The following PCDH9 variants were observed in gnomAD, a reference collection of about 807,000 sequenced individuals.
PCDH9 encodes protocadherin 9.
A neutral mutation model predicts 70.6 loss-of-function variants in PCDH9; 24 were observed. That is an observed-to-expected ratio of 0.34 (90% CI 0.25 to 0.48). The LOEUF (loss-of-function observed/expected upper bound fraction) is 0.48. PCDH9 is among the 20% of genes least tolerant of loss of function. PCDH9 has a pLI of 0.99. For synonymous variants in PCDH9, 562 were observed against 558.5 expected (o/e 1.01, Z -0.09); for missense variants, 1,281 against 1,503.6 (o/e 0.85, Z 2.45).
chr13:67,217,892 A>G (rs1390043945), intron 2 of PCDH9: 1 of 152,084 alleles, frequency 6.6e-6, no homozygotes, highest in Non-Finnish European at 1.5e-5. Context: ...TCTATCTTGA[A>G]TAATTAGAAT....
intron 2 of PCDH9, chr13:67,214,973 T>TATATATATATATATATATATATATA (rs56334218): frequency 2.4e-4 from 30 of 126,388 alleles, no homozygotes; most frequent in Non-Finnish European, 3.4e-4. Context: ...TATATATATA[T>TATATATATATATATATATATATATA]TCACTTAATC....
In PCDH9 at chr13:67,180,045, C is replaced by T. The variant is rs142448099; in HGVS notation, c.3036+45360G>A. On this transcript the variant is annotated intron_variant, in intron 2 of 4. Coordinates refer to ENST00000377865, the MANE Select transcript of PCDH9 (RefSeq NM_203487.3). The stretch of plus-strand genomic sequence containing the variant: ...ATCTAGATTAGAACTTTTAAATCAC[C>T]AAATGACCAGTAGAAAATATCTCTT... Among the ~76,000 whole-genome samples, 34 of 152,112 alleles carry T rather than the reference C, an allele frequency of 2.2e-4. No individual in the cohort carries two copies. In the East Asian group the frequency reaches 5.4e-3, roughly 24 times the overall value.
Position 66,530,393 on chromosome 13 carries a change from A to T in PCDH9, c.3340+100817T>A, listed in dbSNP as rs1932883. On this transcript the variant is annotated intron_variant, in intron 4 of 4. Coordinates refer to ENST00000377865, the MANE Select transcript of PCDH9 (RefSeq NM_203487.3). ...TCCATTTTATTGCTGTGCTTTCAGTATTAGATATCAACTCATTGAGATAAA... is the reference window on the plus strand; with the variant it reads ...TCCATTTTATTGCTGTGCTTTCAGTTTTAGATATCAACTCATTGAGATAAA... Among the ~76,000 whole-genome samples the T allele has an allele frequency of 7.7e-3, 1,173 of 152,016 alleles. 12 individuals are homozygous for T. The highest frequency in any genetic ancestry group is 0.014 in the Middle Eastern group (4 of 292).
intron 2 of PCDH9, among the ~76,000 whole-genome samples, chr13:67,158,161 T>C (rs1002096913): frequency 2.0e-5 from 3 of 152,152 alleles, no homozygotes; most frequent in Non-Finnish European, 4.4e-5. Context: ...TCCTGAGAGA[T>C]ATTATAAAGG....
At chr13:66,571,340 T>G (rs1158295814) in intron 4 of PCDH9, among the ~76,000 whole-genome samples, 1 of 152,064 alleles carries the variant, frequency 6.6e-6, no homozygotes, top group Non-Finnish European at 1.5e-5. Context: ...ACAAAATACC[T>G]GTAATTTGAA....
intron 2 of PCDH9, among the ~76,000 whole-genome samples, chr13:66,941,798 T>TA (rs2083010785): frequency 6.6e-6 from 1 of 151,922 alleles, no homozygotes; most frequent in African/African-American, 2.4e-5. Flanking sequence ...TATGGAAGAC[T>TA]TTAGCAACAT....
intron 2 of PCDH9, among the ~76,000 whole-genome samples, chr13:66,986,567 A>G (rs2083895677): frequency 6.6e-6 from 1 of 152,068 alleles, no homozygotes; most frequent in Non-Finnish European, 1.5e-5. Flanking sequence ...TAGTTCATTT[A>G]CACAATTGAA....
intron 3 of PCDH9, among the ~76,000 whole-genome samples, chr13:66,856,492 T>A (rs1004566866): frequency 2.6e-5 from 4 of 152,118 alleles, no homozygotes; most frequent in African/African-American, 9.6e-5. Flanking sequence ...AAAGTATTTT[T>A]AAAAACCTGT....
At chr13:67,140,029 C>CG (rs1235957916) in intron 2 of PCDH9, among the ~76,000 whole-genome samples, 3 of 106,444 alleles carry the variant, frequency 2.8e-5, no homozygotes, top group East Asian at 3.8e-4. Context: ...TTGATCACCC[C>CG]CCCCCCCCCG....
intron 4 of PCDH9, among the ~76,000 whole-genome samples, chr13:66,501,322 G>A (rs1171172590): frequency 6.6e-6 from 1 of 152,016 alleles, no homozygotes; most frequent in Non-Finnish European, 1.5e-5. Flanking sequence ...CTCTATTAAG[G>A]ATGAAGCAGT....
At chr13:66,437,404 CAAAAAAAA>C (rs66796123) in intron 4 of PCDH9, among the ~76,000 whole-genome samples, 1,861 of 45,610 alleles carry the variant, frequency 0.041, 80 homozygotes, top group East Asian at 0.19. Flanking sequence ...GACTCTGTCT[CAAAAAAAA>C]AAAAAAAAAA....
chr13:66,942,949 C>G (rs1161136148), intron 2 of PCDH9, among the ~76,000 whole-genome samples: 2 of 152,074 alleles, frequency 1.3e-5, no homozygotes, highest in South Asian at 4.1e-4. Context: ...AATCTCACAG[C>G]TTTCCCTGTA....
At chr13:67,113,028 C>T (rs1190460516) in intron 2 of PCDH9, among the ~76,000 whole-genome samples, 1 of 152,164 alleles carries the variant, frequency 6.6e-6, no homozygotes, top group African/African-American at 2.4e-5. Context: ...TTTGGGCCTC[C>T]TTTTCCCTGT....
intron 4 of PCDH9, among the ~76,000 whole-genome samples, chr13:66,625,091 C>G (rs1036826104): frequency 2.3e-4 from 35 of 151,934 alleles, no homozygotes; most frequent in African/African-American, 7.0e-4. Context: ...TTCCAGACAT[C>G]ATATTGTTTC....
At chr13:66,514,383 C>T (rs1348739638) in intron 4 of PCDH9, among the ~76,000 whole-genome samples, 2 of 151,108 alleles carry the variant, frequency 1.3e-5, no homozygotes, top group Non-Finnish European at 2.9e-5. Context: ...GTAGTATTGA[C>T]GTGGTGCAGG....
Position 66,445,531 on chromosome 13 carries a change from C to T in PCDH9, c.3341-140503G>A, listed in dbSNP as rs189695413. Among the ~76,000 whole-genome samples, 296 of 139,934 alleles carry T rather than the reference C, an allele frequency of 2.1e-3. 5 individuals carry two copies. The highest frequency in any genetic ancestry group is 7.6e-3 in the African/African-American group (284 of 37,466). The allele number at this position is 139,934 out of a possible 152,430, so 91.8% of individuals were successfully genotyped here. On this transcript the variant is annotated intron_variant, in intron 4 of 4. Coordinates refer to ENST00000377865, the MANE Select transcript of PCDH9 (RefSeq NM_203487.3). ...TATACACACATATATAATATATACA[C>T]ATATATATTATATATACACATATAT...
At position 66,345,370 on chromosome 13, in the gene PCDH9, G is replaced by T. The variant is rs541305873; in HGVS notation, c.3341-40342C>A. Among the ~76,000 whole-genome samples, 14 of 152,184 alleles carry T rather than the reference G, an allele frequency of 9.2e-5. 1 individual carries two copies. The highest frequency in any genetic ancestry group is 2.1e-4 in the South Asian group (1 of 4,812). On this transcript the variant is annotated intron_variant, in intron 4 of 4. Coordinates refer to ENST00000377865, the MANE Select transcript of PCDH9 (RefSeq NM_203487.3). ...GGCAACAGCACTGAGCTATAATGAG[G>T]TAATTTTTTTTTCCAGCCATGCACA...
chr13:66,942,306 G>T (rs967288788), intron 2 of PCDH9, among the ~76,000 whole-genome samples: 1 of 151,588 alleles, frequency 6.6e-6, no homozygotes, highest in African/African-American at 2.4e-5. Context: ...AAAAGGAAAT[G>T]ATATAGATCA....
chr13:66,999,581 C>T (rs1420332781), intron 2 of PCDH9, among the ~76,000 whole-genome samples: 4 of 151,668 alleles, frequency 2.6e-5, no homozygotes, highest in Admixed American at 2.6e-4. Context: ...ACAACCTACT[C>T]ATCTGACAAA....
Sources: gnomAD v4.1 joint callset for allele counts (sites outside exome capture counted in the v4.1 genomes callset) on GRCh38, gnomAD v4.1.1 for gene constraint, MANE v1.5 for transcripts, NCBI Gene and HGNC (gene_info 2026-07-23, HGNC 2026-07-21) for gene names.